STK3: variants seen among roughly 807,000 people sequenced by gnomAD.
STK3 encodes the protein serine/threonine-protein kinase 3.
Under a neutral mutation model 58.0 loss-of-function variants are expected in STK3, and 41 were observed. The observed-to-expected ratio is 0.71, with a 90% CI of 0.55 to 0.92. STK3 has a LOEUF of 0.92. Ranked by LOEUF, STK3 falls within the 40% of genes least tolerant of loss-of-function variation. The pLI is 0.00. For synonymous variants in STK3, 170 were observed against 191.0 expected, an observed-to-expected ratio of 0.89 and a Z score of 0.91; for missense variants, 479 against 602.7, an observed-to-expected ratio of 0.79 and a Z score of 2.15.
chr8:98,737,706 TTTTC>T (rs1444974126), intron 4 of STK3, among the ~76,000 whole-genome samples: 27 of 152,238 alleles, frequency 1.8e-4, no homozygotes, highest in African/African-American at 6.3e-4. Context: ...ACGTATATAA[TTTTC>T]TTTTTCTTTT....
chr8:98,628,806 C>A (rs1284562840), intron 6 of STK3, among the ~76,000 whole-genome samples: 1 of 123,456 alleles, frequency 8.1e-6, no homozygotes. Context: ...TGTCTCCACT[C>A]CCCTCCACAC....
intron 1 of STK3, among the ~76,000 whole-genome samples, chr8:98,442,334 T>A (rs781578160): frequency 6.6e-6 from 1 of 152,272 alleles, no homozygotes; most frequent in Non-Finnish European, 1.5e-5. Flanking sequence ...CTTACAGGTC[T>A]ATGTCTGGTC....
At chr8:98,453,289 A>G (rs1359726708), downstream of STK3, among the ~76,000 whole-genome samples, 1 of 151,032 alleles carries the variant, frequency 6.6e-6, no homozygotes, top group African/African-American at 2.4e-5. Flanking sequence ...GGGTTTCACC[A>G]TATTAGTCAG....
chr8:98,428,330 C>T lies in STK3; in HGVS notation n.483+5797G>A, dbSNP rs761712983. The T allele has an allele frequency of 1.4e-5, 23 of 1,614,162 alleles. No individual in the cohort carries two copies. Among genetic ancestry groups the T allele is most frequent in the Middle Eastern group, 1.6e-4 (1 of 6,062 alleles). On this transcript the variant is annotated intron_variant and non_coding_transcript_variant, in intron 3 of 3. Transcript: ENST00000517832. The surrounding 1 kb of genome is among the most constrained non-coding windows in gnomAD (Gnocchi z 6.7). ...GCATCAACGAGTTCTTCATTGACTC[C>T]TGCTGCAGCTACAGCTACCATGGCC...
intron 6 of STK3, among the ~76,000 whole-genome samples, chr8:98,605,857 G>A (rs1816734767): frequency 6.6e-6 from 1 of 152,124 alleles, no homozygotes; most frequent in Non-Finnish European, 1.5e-5. Flanking sequence ...TCATGATAGT[G>A]AGTTATCATA....
intron 1 of STK3, among the ~76,000 whole-genome samples, chr8:98,777,960 T>C (rs946874660): frequency 6.6e-6 from 1 of 152,188 alleles, no homozygotes; most frequent in African/African-American, 2.4e-5. Flanking sequence ...ATTCAGGACA[T>C]AGGCATGGGT....
chr8:98,415,200 C>G (rs1025125985), intron 3 of STK3, among the ~76,000 whole-genome samples: 1 of 152,204 alleles, frequency 6.6e-6, no homozygotes, highest in South Asian at 2.1e-4. Context: ...CAGCAGCCCT[C>G]GCCAGACACC....
intron 4 of STK3, among the ~76,000 whole-genome samples, chr8:98,711,383 GA>G (rs1249925881): frequency 2.6e-5 from 4 of 151,122 alleles, no homozygotes; most frequent in African/African-American, 7.3e-5. Flanking sequence ...TAAAAACCTT[GA>G]AAAAAAAATT....
chr8:98,411,924 C>T (rs987848101), intron 3 of STK3, among the ~76,000 whole-genome samples: 4 of 152,178 alleles, frequency 2.6e-5, no homozygotes, highest in African/African-American at 9.7e-5. Context: ...TCAATTATTC[C>T]ATCTTGCTTG....
intron 3 of STK3, among the ~76,000 whole-genome samples, chr8:98,758,579 G>A (rs1830439189): frequency 6.6e-6 from 1 of 152,174 alleles, no homozygotes; most frequent in Non-Finnish European, 1.5e-5. Flanking sequence ...TTTGGAATGG[G>A]CAATGAACAC....
chr8:98,440,409 T>C (rs1818646896), intron 1 of STK3, among the ~76,000 whole-genome samples: 1 of 152,224 alleles, frequency 6.6e-6, no homozygotes, highest in Non-Finnish European at 1.5e-5. Flanking sequence ...TGGCATTAAG[T>C]ACATTCGCAT....
intron 10 of STK3, among the ~76,000 whole-genome samples, chr8:98,480,519 T>A (rs970773498): frequency 2.0e-5 from 3 of 152,076 alleles, no homozygotes; most frequent in African/African-American, 7.2e-5. Context: ...GGGAAGCATA[T>A]CACCTGCCTA....
intron 1 of STK3, among the ~76,000 whole-genome samples, chr8:98,935,510 CA>C (rs1797595693): frequency 6.6e-6 from 1 of 152,182 alleles, no homozygotes; most frequent in African/African-American, 2.4e-5. Context: ...GAATAGCATC[CA>C]AAATAATAAC....
At chr8:98,789,952 C>T (rs557637400) in intron 1 of STK3, among the ~76,000 whole-genome samples, 11 of 143,916 alleles carry the variant, frequency 7.6e-5, no homozygotes, top group Non-Finnish European at 1.2e-4. Context: ...TGCTTGAACC[C>T]GGGAGGCAGA....
At chr8:98,392,166 C>T (rs1364278145), upstream of STK3, among the ~76,000 whole-genome samples, 2 of 152,098 alleles carry the variant, frequency 1.3e-5, no homozygotes, top group Non-Finnish European at 2.9e-5. Flanking sequence ...TATTACTTGA[C>T]TTTCTCTTGC....
intron 1 of STK3, 57 bp downstream of exon 1, chr8:98,825,458 C>A: frequency 7.0e-7 from 1 of 1,427,276 alleles, no homozygotes; most frequent in Non-Finnish European, 9.3e-7. Context: ...CTAGCCACCC[C>A]CGCCCCGCGG....
intron 6 of STK3, among the ~76,000 whole-genome samples, chr8:98,623,024 G>A (rs1290266429): frequency 6.6e-6 from 1 of 152,062 alleles, no homozygotes; most frequent in African/African-American, 2.4e-5. Flanking sequence ...GAAAATAAAC[G>A]CTAGAGTGAA....
At chr8:98,598,675 AC>A in intron 6 of STK3, 1 of 985,306 alleles carries the variant, frequency 1.0e-6, no homozygotes, top group South Asian at 4.7e-5. Flanking sequence ...CTTTAGACTA[AC>A]AATTCATTCC....
chr8:98,363,093 C>T, the STK3 span, among the ~76,000 whole-genome samples: 57 of 152,332 alleles, frequency 3.7e-4, no homozygotes, highest in African/African-American at 1.4e-3. Flanking sequence ...GTAAAATTCT[C>T]AAAGCCTACA....
Sources: gnomAD v4.1 joint callset for allele counts (sites outside exome capture counted in the v4.1 genomes callset) on GRCh38, gnomAD v4.1.1 for gene constraint, Gnocchi (gnomAD v3.1) non-coding constraint, MANE v1.5 for transcripts, NCBI Gene and HGNC (gene_info 2026-07-23, HGNC 2026-07-21) for gene names.